Variants in SNTG2 observed in about 807,000 individuals in gnomAD.
SNTG2 encodes gamma-2-syntrophin.
SNTG2 carries 74 observed loss-of-function variants against 70.9 expected under a neutral mutation model. The observed-to-expected ratio is 1.04, with a 90% CI of 0.86 to 1.27. The LOEUF (loss-of-function observed/expected upper bound fraction) is 1.27. Among genes scored for constraint, SNTG2 ranks in the 50% most tolerant of loss-of-function variants. The pLI is 0.00. For missense variants in SNTG2, 717 were observed against 690.7 expected, an observed-to-expected ratio of 1.04 and a Z score of -0.43; for synonymous variants, 278 against 273.8, an observed-to-expected ratio of 1.02 and a Z score of -0.15.
chr2:1,239,963 A>G (rs1676943006), intron 11 of SNTG2, among the ~76,000 whole-genome samples, 187 bp downstream of exon 11: 1 of 152,192 alleles, frequency 6.6e-6, no homozygotes, highest in Admixed American at 6.5e-5. Context: ...TGTTAATTCT[A>G]TAAAACTGCT....
intron 8 of SNTG2, among the ~76,000 whole-genome samples, chr2:1,175,108 A>C (rs988292162): frequency 3.3e-5 from 5 of 152,220 alleles, no homozygotes; most frequent in African/African-American, 1.2e-4. Flanking sequence ...TTTGCTTTTC[A>C]CATTAGATCT....
intron 1 of SNTG2, among the ~76,000 whole-genome samples, chr2:968,642 C>T (rs889110230): frequency 3.9e-5 from 6 of 152,058 alleles, no homozygotes; most frequent in African/African-American, 1.4e-4. Flanking sequence ...GTGCTTTAAT[C>T]CCTTCCCATA....
intron 14 of SNTG2, among the ~76,000 whole-genome samples, chr2:1,283,314 C>A (rs909849681): frequency 3.3e-5 from 5 of 152,200 alleles, no homozygotes; most frequent in African/African-American, 4.8e-5. Flanking sequence ...CCCTGCCAAT[C>A]CGGCTGCTTG....
chr2:965,171 C>T lies in SNTG2; in HGVS notation c.72+14103C>T, dbSNP rs1292758655. 6.5e-5 allele frequency among the ~76,000 whole-genome samples: 9 copies of T among 138,828 alleles called. No homozygotes were observed. In the South Asian group the frequency reaches 8.0e-4, roughly 12 times the overall value. The allele number at this position is 138,828 out of a possible 152,430, so 91.1% of individuals were successfully genotyped here. On this transcript the variant is annotated intron_variant, in intron 1 of 16. Transcript: ENST00000308624. ...TGGTCCCCAGTCCTCCTCCTTGGACCCCAATCCTCCTCCTGGTCCCCAGTC... is the reference window on the plus strand; with the variant it reads ...TGGTCCCCAGTCCTCCTCCTTGGACTCCAATCCTCCTCCTGGTCCCCAGTC...
intron 9 of SNTG2, among the ~76,000 whole-genome samples, chr2:1,213,856 C>T (rs1287994324): frequency 6.6e-6 from 1 of 152,170 alleles, no homozygotes; most frequent in South Asian, 2.1e-4. Flanking sequence ...GAGCTTTTCC[C>T]TATGTTTTCT....
chr2:1,279,070 CGCG>C, intron 14 of SNTG2, among the ~76,000 whole-genome samples: 1 of 83,164 alleles, frequency 1.2e-5, no homozygotes, highest in Non-Finnish European at 2.7e-5. Flanking sequence ...TCTGTCAGTG[CGCG>C]AATGACCCCT....
chr2:1,048,929 G>A (rs1410097510), intron 1 of SNTG2, among the ~76,000 whole-genome samples: 1 of 152,096 alleles, frequency 6.6e-6, no homozygotes, highest in Non-Finnish European at 1.5e-5. Flanking sequence ...AAATCATGCT[G>A]CACACCTTTC....
rs1476154369 is a variant in SNTG2 at position 1,032,121 on chromosome 2, G to A, written c.73-51397G>A. 5.3e-5 allele frequency among the ~76,000 whole-genome samples: 8 copies of A among 152,234 alleles called. No homozygotes were observed. In the East Asian group the frequency reaches 9.7e-4, roughly 18 times the overall value. On this transcript the variant is annotated intron_variant, in intron 1 of 16. Coordinates refer to ENST00000308624, the MANE Select transcript of SNTG2 (RefSeq NM_018968.4). ...GTGGAAGGGGGACCTGAAATGAAGC[G>A]TCATCAACACCAAAGTGAAACACGG... is the stretch of plus-strand genomic sequence containing the variant.
chr2:1,334,501 T>C (rs1478772408), intron 16 of SNTG2, among the ~76,000 whole-genome samples: 1 of 152,194 alleles, frequency 6.6e-6, no homozygotes, highest in African/African-American at 2.4e-5. Flanking sequence ...CAAATGTTTA[T>C]AGCAGCACAA....
intron 1 of SNTG2, among the ~76,000 whole-genome samples, chr2:1,082,058 C>T (rs1479260656): frequency 4.6e-5 from 7 of 152,218 alleles, no homozygotes; most frequent in East Asian, 3.9e-4. Context: ...CTCTCCTGTG[C>T]GTGGGGATCA....
intron 1 of SNTG2, among the ~76,000 whole-genome samples, chr2:992,259 T>C (rs1239511933): frequency 3.9e-5 from 6 of 152,014 alleles, no homozygotes; most frequent in African/African-American, 1.4e-4. Context: ...GTTAGTGATA[T>C]GGAGAAAATT....
intron 4 of SNTG2, among the ~76,000 whole-genome samples, chr2:1,130,370 TAAAG>T (rs1667943326): frequency 6.6e-6 from 1 of 152,234 alleles, no homozygotes; most frequent in Admixed American, 6.5e-5. Flanking sequence ...ATGTATATGA[TAAAG>T]AAGATAAATT....
Position 1,259,386 on chromosome 2 carries a change from G to T in SNTG2, c.1022G>T (p.Trp341Leu), listed in dbSNP as rs1302361386. ...FSTPPVSTFDWVRAERTYHLC... is the reference protein window; with the variant it reads ...FSTPPVSTFDLVRAERTYHLC... ...TTCTTGCAGGTGAGCACATTCGATT[G>T]GGTGCGAGCAGAAAGGACCTATCAC... Residue 341 changes from tryptophan (W) to leucine (L), a missense_variant, in exon 13 of 17, where the codon TGG becomes TTG. Coordinates refer to ENST00000308624, the MANE Select transcript of SNTG2 (RefSeq NM_018968.4). 6.2e-7 allele frequency: 1 copy of T among 1,613,962 alleles called. No individual in the cohort carries two copies.
intron 14 of SNTG2, among the ~76,000 whole-genome samples, chr2:1,270,065 T>C (rs1264600476): frequency 6.6e-6 from 1 of 152,088 alleles, no homozygotes; most frequent in East Asian, 1.9e-4. Flanking sequence ...TTGTGCAGGG[T>C]GGCAAGGTCA....
intron 7 of SNTG2, among the ~76,000 whole-genome samples, chr2:1,166,850 C>A (rs1670740596): frequency 6.6e-6 from 1 of 152,172 alleles, no homozygotes; most frequent in Admixed American, 6.5e-5. Flanking sequence ...TGCTGACAGG[C>A]ACCAGCAGAC....
chr2:1,238,593 C>T (rs73175906), intron 10 of SNTG2, among the ~76,000 whole-genome samples: 1,915 of 152,266 alleles, frequency 0.013, 33 homozygotes, highest in African/African-American at 0.044. Flanking sequence ...GGGGTGGGAA[C>T]GAAGACTTGA....
intron 1 of SNTG2, among the ~76,000 whole-genome samples, chr2:1,074,100 A>G (rs545499072): frequency 6.6e-6 from 1 of 152,300 alleles, no homozygotes; most frequent in East Asian, 1.9e-4. Flanking sequence ...CTGGTGTTTG[A>G]GCATAGCCAG....
chr2:1,230,164 C>T (rs1399104952), intron 9 of SNTG2, among the ~76,000 whole-genome samples: 1 of 152,204 alleles, frequency 6.6e-6, no homozygotes, highest in Non-Finnish European at 1.5e-5. Context: ...CTCTCACTAC[C>T]AGGATACAGC....
At chr2:1,050,298 T>C (rs2148076602) in intron 1 of SNTG2, among the ~76,000 whole-genome samples, 1 of 152,328 alleles carries the variant, frequency 6.6e-6, no homozygotes, top group South Asian at 2.1e-4. Context: ...TTTCATTTGT[T>C]TTCTTTTAAA....
Sources: allele counts gnomAD v4.1 joint callset (sites outside exome capture counted in the v4.1 genomes callset), GRCh38; gene constraint gnomAD v4.1.1; transcripts MANE v1.5; gene names NCBI Gene and HGNC (gene_info 2026-07-23, HGNC 2026-07-21).